KIAA1217: variants seen among roughly 807,000 people sequenced by gnomAD.
KIAA1217 encodes sickle tail protein homolog.
KIAA1217 carries 88 observed loss-of-function variants against 163.9 expected under a neutral mutation model. The ratio of observed to expected loss-of-function variants is 0.54; its 90% CI spans 0.45 to 0.64. The LOEUF is 0.64. KIAA1217 is among the 30% of genes least tolerant of loss of function. KIAA1217 has a pLI of 0.00. For synonymous variants in KIAA1217, 903 were observed against 923.1 expected (o/e 0.98, Z 0.39); for missense variants, 2,372 against 2,475.0 (o/e 0.96, Z 0.88).
At chr10:23,918,672 C>A (rs1564532128) in intron 1 of KIAA1217, among the ~76,000 whole-genome samples, 1 of 151,712 alleles carries the variant, frequency 6.6e-6, no homozygotes, top group East Asian at 1.9e-4. Flanking sequence ...ACTGGATGGA[C>A]CATGAATAAT....
At chr10:23,882,930 C>A (rs1841013094) in intron 1 of KIAA1217, among the ~76,000 whole-genome samples, 1 of 151,864 alleles carries the variant, frequency 6.6e-6, no homozygotes, top group Admixed American at 6.6e-5. Context: ...GATGAGGGGA[C>A]AGAGCAACTA....
Position 24,339,843 on chromosome 10 carries a change from C to G in KIAA1217, c.355-41026C>G, listed in dbSNP as rs752874605. Among the ~76,000 whole-genome samples, 21 of 152,296 alleles carry G rather than the reference C, an allele frequency of 1.4e-4. No homozygotes were observed. In the South Asian group the frequency reaches 1.9e-3, roughly 14 times the overall value. ...TTTACAATGAAGAACTTTAGTGTCC[C>G]CCCAAAGCCAATGTTAGTCTGTCTC... On this transcript the variant is annotated intron_variant, in intron 2 of 20. Transcript: ENST00000376454.
At chr10:24,293,562 G>A (rs896443469) in intron 2 of KIAA1217, among the ~76,000 whole-genome samples, 1 of 151,934 alleles carries the variant, frequency 6.6e-6, no homozygotes, top group Admixed American at 6.5e-5. Context: ...GTTGGGCTTG[G>A]CAGCCGTCAG....
chr10:23,820,673 T>TGGTA (rs1476643147), intron 1 of KIAA1217, among the ~76,000 whole-genome samples: 2 of 152,176 alleles, frequency 1.3e-5, no homozygotes, highest in African/African-American at 4.8e-5. Flanking sequence ...CTGTGGATGA[T>TGGTA]CAGCAGCACA....
At chr10:24,323,266 G>A (rs1212974154) in intron 2 of KIAA1217, among the ~76,000 whole-genome samples, 1 of 152,074 alleles carries the variant, frequency 6.6e-6, no homozygotes, top group Non-Finnish European at 1.5e-5. Context: ...TTTCTTCAAG[G>A]GCCTGGACTT....
chr10:23,844,582 T>A (rs954737811), intron 1 of KIAA1217, among the ~76,000 whole-genome samples: 22 of 152,170 alleles, frequency 1.4e-4, no homozygotes, highest in African/African-American at 5.3e-4. Flanking sequence ...CTTCTGAATT[T>A]CAAGATACCA....
At position 24,242,264 on chromosome 10, in the gene KIAA1217, T is replaced by C. The variant is rs368025261; in HGVS notation, c.354+22355T>C. 2.1e-4 allele frequency among the ~76,000 whole-genome samples: 32 copies of C among 152,290 alleles called. 3 individuals are homozygous for C. The highest frequency in any genetic ancestry group is 1.9e-3 in the South Asian group (9 of 4,824). On this transcript the variant is annotated intron_variant, in intron 2 of 20. Transcript: ENST00000376454. ...CATCCCACCTCCATCCCCACTCTAG[T>C]AGTCCCCAGTGTATTTTGTTCCCAT...
At chr10:23,777,790 T>C (rs1835069868) in intron 1 of KIAA1217, among the ~76,000 whole-genome samples, 1 of 151,918 alleles carries the variant, frequency 6.6e-6, no homozygotes, top group African/African-American at 2.4e-5. Flanking sequence ...ATATTCACTA[T>C]AAGGAAAGAA....
intron 1 of KIAA1217, among the ~76,000 whole-genome samples, chr10:23,977,752 T>A (rs748495895): frequency 2.6e-5 from 4 of 152,222 alleles, no homozygotes; most frequent in Non-Finnish European, 5.9e-5. Flanking sequence ...TATTAATAGC[T>A]GCTCCCAATG....
At chr10:23,888,199 C>T (rs1008065847) in intron 1 of KIAA1217, among the ~76,000 whole-genome samples, 10 of 151,928 alleles carry the variant, frequency 6.6e-5, no homozygotes. Context: ...CTCTGTGACT[C>T]ATTTTACCAG....
At chr10:24,011,912 T>G (rs1201121745) in intron 2 of KIAA1217, among the ~76,000 whole-genome samples, 2 of 152,204 alleles carry the variant, frequency 1.3e-5, no homozygotes, top group African/African-American at 2.4e-5. Context: ...ATAACATCTG[T>G]GAAGATGTTT....
Position 24,543,144 on chromosome 10 carries a change from T to C in KIAA1217, c.3874T>C (p.Ser1292Pro). 7 of 1,612,282 alleles carry C rather than the reference T, an allele frequency of 4.3e-6. No homozygotes were observed. The highest frequency in any genetic ancestry group is 5.1e-6 in the Non-Finnish European group (6 of 1,179,598). Residue 1292 changes from serine to proline, a missense_variant, in exon 19 of 21, where the codon TCT (serine) becomes CCT (proline). Around this residue, in one of 3 missense-constraint regions of KIAA1217, gnomAD observed 251 missense variants for 327.3 expected, o/e 0.77. Transcript: ENST00000376454. Reference protein sequence around the residue: ...KGSKISGLQYSIPDTENQTLN... With the variant: ...KGSKISGLQYPIPDTENQTLN... Reference sequence around the variant, plus strand: ...GTCTAAAATCTCAGGCCTGCAATACTCTATACCTGACACCGAGAACCAGAC... The same window carrying C: ...GTCTAAAATCTCAGGCCTGCAATACCCTATACCTGACACCGAGAACCAGAC...
chr10:23,708,919 T>G (rs1403071111), intron 1 of KIAA1217, among the ~76,000 whole-genome samples: 1 of 151,952 alleles, frequency 6.6e-6, no homozygotes, highest in Non-Finnish European at 1.5e-5. Flanking sequence ...GTTTTGGAGT[T>G]CAGATTGCCA....
chr10:24,197,317 G>A (rs367789545), intron 2 of KIAA1217, among the ~76,000 whole-genome samples: 25 of 152,324 alleles, frequency 1.6e-4, no homozygotes, highest in African/African-American at 5.8e-4. Context: ...GCCATGTGAT[G>A]TGCCTGGAGC....
rs547768058 is a variant in KIAA1217 at position 23,988,031 on chromosome 10, T to G, written c.-320-19194T>G. Among the ~76,000 whole-genome samples the G allele has an allele frequency of 1.8e-4, 27 of 149,390 alleles. No homozygotes were observed. In the South Asian group the frequency reaches 5.5e-3, roughly 30 times the overall value. On this transcript the variant is annotated intron_variant, in intron 1 of 18. Coordinates refer to the KIAA1217 transcript ENST00000376462. ...TTTAAACTGTGAATATTTAAAAGTG[T>G]TTTTTTATTTTTATTTTTTTTTAAA...
At chr10:23,890,037 A>AT (rs1435016383) in intron 1 of KIAA1217, among the ~76,000 whole-genome samples, 3 of 151,690 alleles carry the variant, frequency 2.0e-5, no homozygotes, top group Admixed American at 6.6e-5. Flanking sequence ...ATTGATATTA[A>AT]TTTTTTCTTA....
chr10:24,167,002 G>A (rs1315591185), intron 2 of KIAA1217, among the ~76,000 whole-genome samples: 1 of 152,094 alleles, frequency 6.6e-6, no homozygotes, highest in Non-Finnish European at 1.5e-5. Context: ...AGGGATGGCA[G>A]CGAATAAGTT....
At chr10:23,908,529 C>T (rs934241292) in intron 1 of KIAA1217, among the ~76,000 whole-genome samples, 2 of 152,072 alleles carry the variant, frequency 1.3e-5, no homozygotes, top group Non-Finnish European at 1.5e-5. Flanking sequence ...TTTACTTTCT[C>T]TTGGTACCCT....
At chr10:24,111,641 C>T (rs2062849395) in intron 2 of KIAA1217, among the ~76,000 whole-genome samples, 1 of 152,190 alleles carries the variant, frequency 6.6e-6, no homozygotes, top group African/African-American at 2.4e-5. Flanking sequence ...TTCTCCTCTG[C>T]ATAAACGCTT....
Sources: gnomAD v4.1 joint callset for allele counts (sites outside exome capture counted in the v4.1 genomes callset) on GRCh38, gnomAD v4.1.1 for gene constraint, gnomAD v4.1.1 regional missense constraint, MANE v1.5 for transcripts, NCBI Gene and HGNC (gene_info 2026-07-23, HGNC 2026-07-21) for gene names.